The following USP3 variants were observed in gnomAD, a reference collection of about 807,000 sequenced individuals.
USP3 encodes the protein ubiquitin specific peptidase 3, also known as ubiquitin carboxyl-terminal hydrolase 3.
USP3 carries 20 observed loss-of-function variants against 72.3 expected under a neutral mutation model. The ratio of observed to expected loss-of-function variants is 0.28; its 90% CI spans 0.19 to 0.40. USP3 has a LOEUF of 0.40. USP3 is among the 10% of genes least tolerant of loss of function. The pLI, the probability that USP3 is intolerant of heterozygous loss-of-function variation, is 1.00. For synonymous variants in USP3, 222 were observed against 225.3 expected, an observed-to-expected ratio of 0.99 and a Z score of 0.13; for missense variants, 479 against 633.9, an observed-to-expected ratio of 0.76 and a Z score of 2.62.
chr15:63,562,395 G>C (rs762277988), intron 7 of USP3, among the ~76,000 whole-genome samples: 11 of 152,110 alleles, frequency 7.2e-5, no homozygotes, highest in Non-Finnish European at 1.2e-4. Context: ...AACTGGAGAA[G>C]TTTAAATAAA....
chr15:63,538,769 A>G (rs930981814), intron 3 of USP3, among the ~76,000 whole-genome samples: 1 of 151,888 alleles, frequency 6.6e-6, no homozygotes, highest in Non-Finnish European at 1.5e-5. Context: ...GATGGTCTCA[A>G]TCTCTTGACC....
chr15:63,518,954 A>G (rs1337721596), intron 1 of USP3, among the ~76,000 whole-genome samples: 1 of 152,084 alleles, frequency 6.6e-6, no homozygotes, highest in Non-Finnish European at 1.5e-5. Context: ...TTTAGTAGAT[A>G]TGGGGTTTCA....
At chr15:63,517,826 C>G (rs16947193) in intron 1 of USP3, among the ~76,000 whole-genome samples, 2,079 of 152,300 alleles carry the variant, frequency 0.014, 43 homozygotes, top group African/African-American at 0.048. Context: ...TTCTTCCTGG[C>G]TGACACTCAG....
chr15:63,561,444 GC>G (rs1238674758), intron 7 of USP3, among the ~76,000 whole-genome samples: 1 of 152,174 alleles, frequency 6.6e-6, no homozygotes, highest in Non-Finnish European at 1.5e-5. Context: ...GTCCTGTAAG[GC>G]CACCACTGCC....
chr15:63,526,437 T>G (rs1348367680), intron 1 of USP3, among the ~76,000 whole-genome samples: 1 of 152,248 alleles, frequency 6.6e-6, no homozygotes, highest in Non-Finnish European at 1.5e-5. Context: ...TGTAGAAGAT[T>G]AATTAGCACC....
rs1191119442 is a variant in USP3, at chr15:63,528,018, T to G, written c.92-4629T>G. The stretch of plus-strand genomic sequence containing the variant: ...CTCTAGCTCAGGAGAGGATAGAGCT[T>G]CTTCATCTCCTCCATGCAAAGGAGC... On this transcript the variant is annotated intron_variant, in intron 1 of 14. Transcript: ENST00000380324. The surrounding 1 kb of genome is among the most constrained non-coding windows in gnomAD (Gnocchi z 4.3). The G allele has an allele frequency of 2.0e-5, 3 of 152,310 alleles. No homozygotes were observed. The highest frequency in any genetic ancestry group is 4.4e-5 in the Non-Finnish European group (3 of 68,108). The allele number at this position is 152,310 out of a possible 1,614,324, so 9.4% of individuals were successfully genotyped here.
chr15:63,536,768 G>C (rs779207778), intron 2 of USP3, among the ~76,000 whole-genome samples: 4 of 151,914 alleles, frequency 2.6e-5, no homozygotes, highest in Non-Finnish European at 4.4e-5. Context: ...GCAGGAGAAT[G>C]GTGTGAACCT....
chr15:63,532,556 A>G (rs1266394813), intron 1 of USP3, 91 bp from the exon 2 acceptor site: 42 of 1,477,188 alleles, frequency 2.8e-5, no homozygotes, highest in Non-Finnish European at 3.0e-5. Flanking sequence ...CTACATAGCC[A>G]TGGAATTTAT....
intron 1 of USP3, among the ~76,000 whole-genome samples, chr15:63,508,822 T>G (rs1186305560): frequency 1.3e-5 from 2 of 152,194 alleles, no homozygotes; most frequent in African/African-American, 4.8e-5. Flanking sequence ...AGGATAGGCA[T>G]GCTAATTTTT....
At chr15:63,533,315 A>G (rs570552625) in intron 2 of USP3, among the ~76,000 whole-genome samples, 66 of 152,278 alleles carry the variant, frequency 4.3e-4, no homozygotes, top group Admixed American at 1.4e-3. Context: ...TCATTGTTCC[A>G]TTAAAATACT....
At position 63,504,782 on chromosome 15, in the gene USP3, G is replaced by A. The variant is rs765780005; in HGVS notation, c.43G>A (p.Asp15Asn). 2 of 1,611,462 alleles carry A rather than the reference G, an allele frequency of 1.2e-6. No individual in the cohort carries two copies. Among genetic ancestry groups the A allele is most frequent in the African/African-American group, 2.7e-5 (2 of 74,662 alleles). Reference sequence around the variant, plus strand: ...GAGCTCCAGCGTCTGCATTGCTCCGGACTCAGCCAAGTTCCCCAACGGCTC... The same window carrying A: ...GAGCTCCAGCGTCTGCATTGCTCCGAACTCAGCCAAGTTCCCCAACGGCTC... Reference protein sequence around the residue: ...HLSSSVCIAPDSAKFPNGSPS... With the variant: ...HLSSSVCIAPNSAKFPNGSPS... The change falls in exon 1 of 15, where the codon GAC (aspartate) becomes AAC (asparagine). Residue 15 changes from aspartate to asparagine, a missense_variant. Transcript: ENST00000380324.
intron 1 of USP3, among the ~76,000 whole-genome samples, chr15:63,508,899 T>C: frequency 6.6e-6 from 1 of 152,296 alleles, no homozygotes; most frequent in Non-Finnish European, 1.5e-5. Flanking sequence ...TGCCTTCATA[T>C]TACTCTACCC....
At chr15:63,557,805 T>C (rs1043866397) in intron 5 of USP3, among the ~76,000 whole-genome samples, 5 of 152,230 alleles carry the variant, frequency 3.3e-5, no homozygotes, top group African/African-American at 4.8e-5. Flanking sequence ...AAATGTTATT[T>C]TAAGGATTTC....
chr15:63,546,513 A>G (rs1473294248), intron 3 of USP3, among the ~76,000 whole-genome samples: 1 of 152,234 alleles, frequency 6.6e-6, no homozygotes, highest in East Asian at 1.9e-4. Context: ...GGTATGCATA[A>G]TTCTGACCAA....
chr15:63,574,055 A>G lies in USP3; in HGVS notation c.918A>G (p.Ala306=). 1 of 1,581,470 alleles carries G rather than the reference A, an allele frequency of 6.3e-7. No homozygotes were observed. The highest frequency in any genetic ancestry group is 8.6e-7 in the Non-Finnish European group (1 of 1,162,404). The change falls in exon 10 of 15, where the codon GCA becomes GCG. Residue 306 remains alanine, a synonymous_variant. Transcript: ENST00000380324. The surrounding 1 kb of genome is among the most constrained non-coding windows in gnomAD (Gnocchi z 4.6). ...TGGTGATTTTGTTTAGAAATGGAGC[A>G]TCTACTGTTGTCACGGCTATATTCG... ...SASNKCCING[A]STVVTAIFGG... is the part of the protein sequence containing the mutation.
At position 63,588,348 on chromosome 15, in the gene USP3, A is replaced by G. The variant is rs1032044142; in HGVS notation, c.1140A>G (p.Thr380=). 2 of 1,600,766 alleles carry G rather than the reference A, an allele frequency of 1.2e-6. No homozygotes were observed. The highest frequency in any genetic ancestry group is 1.4e-5 in the African/African-American group (1 of 73,940). Residue 380 remains threonine, a synonymous_variant, in exon 12 of 15, where the codon ACA becomes ACG. Coordinates refer to ENST00000380324, the MANE Select transcript of USP3 (RefSeq NM_006537.4). This position sits in a 1 kb window ranked among gnomAD's most constrained non-coding sequence, Gnocchi z 4.6. The part of the protein sequence containing the change: ...SFTDLEELDE[T]ELYMCHKCKK... ...CCGACTTAGAAGAACTTGATGAGAC[A>G]GAGTTATATATGTGCCATAAATGCA...
chr15:63,576,787 C>T (rs1261674218), intron 11 of USP3, among the ~76,000 whole-genome samples: 2 of 152,172 alleles, frequency 1.3e-5, no homozygotes, highest in East Asian at 3.9e-4. Context: ...TTATTGTCGG[C>T]TTTAAAAAGT....
chr15:63,552,097 GAA>G (rs2066445928), intron 3 of USP3, among the ~76,000 whole-genome samples: 1 of 152,146 alleles, frequency 6.6e-6, no homozygotes, highest in East Asian at 1.9e-4. Flanking sequence ...TGTAAATATA[GAA>G]AAAGTGATCT....
chr15:63,580,775 T>C (rs1196076122), intron 11 of USP3, among the ~76,000 whole-genome samples: 1 of 151,394 alleles, frequency 6.6e-6, no homozygotes, highest in East Asian at 1.9e-4. Flanking sequence ...TTAAGCAGCT[T>C]CCTCAGATCC....
Sources: gnomAD v4.1 joint callset for allele counts (sites outside exome capture counted in the v4.1 genomes callset) on GRCh38, gnomAD v4.1.1 for gene constraint, Gnocchi (gnomAD v3.1) non-coding constraint, MANE v1.5 for transcripts, NCBI Gene and HGNC (gene_info 2026-07-23, HGNC 2026-07-21) for gene names.